Variants in MDGA2 observed in about 807,000 individuals in gnomAD.
The protein encoded by MDGA2 is MAM domain containing glycosylphosphatidylinositol anchor 2, also known as MAM domain-containing glycosylphosphatidylinositol anchor protein 2.
Under a neutral mutation model 117.8 loss-of-function variants are expected in MDGA2, and 40 were observed. The observed-to-expected ratio is 0.34, with a 90% CI of 0.26 to 0.44. The LOEUF is 0.44. Ranked by LOEUF, MDGA2 falls within the 20% of genes least tolerant of loss-of-function variation. The probability of loss-of-function intolerance (pLI) is 1.00; values close to 1 mark genes in which losing one functional copy is unlikely to be tolerated. For missense variants in MDGA2, 1,123 were observed against 1,250.6 expected, an observed-to-expected ratio of 0.90 and a Z score of 1.54; for synonymous variants, 452 against 439.0, an observed-to-expected ratio of 1.03 and a Z score of -0.37.
rs867635377 is a variant in MDGA2 at position 47,625,106 on chromosome 14, T to C, written c.280+49411A>G. Among the ~76,000 whole-genome samples the C allele has an allele frequency of 1.3e-4, 20 of 152,172 alleles. No homozygotes were observed. In the South Asian group the frequency reaches 3.9e-3, roughly 30 times the overall value. ...ATTAAACAGTTTGCCCTAGATTGTA[T>C]AGGTAGTAAGTGACAAATCTATGGT... On this transcript the variant is annotated intron_variant, in intron 1 of 16. Transcript: ENST00000399232.
intron 1 of MDGA2, among the ~76,000 whole-genome samples, chr14:47,387,135 T>C (rs1891778201): frequency 6.6e-6 from 1 of 152,180 alleles, no homozygotes; most frequent in Non-Finnish European, 1.5e-5. Flanking sequence ...AATACCTTAC[T>C]AGGAACTGGT....
chr14:47,626,869 G>A lies in MDGA2; in HGVS notation c.280+47648C>T, dbSNP rs185808686. 4.9e-4 allele frequency among the ~76,000 whole-genome samples: 75 copies of A among 152,334 alleles called. 3 individuals carry two copies. Among genetic ancestry groups the A allele is most frequent in the African/African-American group, 1.8e-3 (74 of 41,586 alleles). Reference sequence around the variant, plus strand: ...CCCCTGCTCCACAGCGCCCAGAACCGCCCAAGGGCTGCGGAGTGCAGGCGC... The same window carrying A: ...CCCCTGCTCCACAGCGCCCAGAACCACCCAAGGGCTGCGGAGTGCAGGCGC... On this transcript the variant is annotated intron_variant, in intron 1 of 16. Coordinates refer to ENST00000399232, the MANE Select transcript of MDGA2 (RefSeq NM_001113498.3).
intron 10 of MDGA2, 68 bp from the exon 11 acceptor site, chr14:46,882,289 A>G: frequency 7.3e-7 from 1 of 1,369,862 alleles, no homozygotes; most frequent in South Asian, 1.4e-5. Context: ...AAAATTGAAA[A>G]CAAATTTTGA....
chr14:46,900,684 G>A (rs1176867565), intron 10 of MDGA2, among the ~76,000 whole-genome samples: 1 of 152,182 alleles, frequency 6.6e-6, no homozygotes, highest in Non-Finnish European at 1.5e-5. Flanking sequence ...GAGGAAATTA[G>A]TGGTTTCCAG....
chr14:47,476,362 G>A (rs1477358874), intron 1 of MDGA2, among the ~76,000 whole-genome samples: 5 of 151,324 alleles, frequency 3.3e-5, no homozygotes, highest in Admixed American at 3.3e-4. Context: ...AAGTTTTAGA[G>A]ACACACGTAA....
chr14:47,345,066 T>C (rs1370236194), intron 1 of MDGA2, among the ~76,000 whole-genome samples: 1 of 152,172 alleles, frequency 6.6e-6, no homozygotes, highest in Non-Finnish European at 1.5e-5. Flanking sequence ...ACATTTTTTT[T>C]CTCACATTTC....
intron 9 of MDGA2, among the ~76,000 whole-genome samples, chr14:46,926,479 T>C (rs767871805): frequency 6.6e-6 from 1 of 151,268 alleles, no homozygotes; most frequent in Admixed American, 6.6e-5. Context: ...CTAATACATA[T>C]AGCCAAACGA....
At chr14:47,649,008 T>C (rs1402320746) in intron 1 of MDGA2, among the ~76,000 whole-genome samples, 1 of 152,198 alleles carries the variant, frequency 6.6e-6, no homozygotes, top group African/African-American at 2.4e-5. Context: ...TCTGACCTCA[T>C]GTCTAGTACC....
intron 1 of MDGA2, among the ~76,000 whole-genome samples, chr14:47,500,338 T>C (rs1214362969): frequency 1.3e-5 from 2 of 152,076 alleles, no homozygotes; most frequent in Non-Finnish European, 2.9e-5. Context: ...TAACCAGGGG[T>C]CTTCTCTATA....
At chr14:46,972,614 A>C (rs1222860585) in intron 8 of MDGA2, among the ~76,000 whole-genome samples, 1 of 152,170 alleles carries the variant, frequency 6.6e-6, no homozygotes, top group East Asian at 1.9e-4. Context: ...ATTCCAGATA[A>C]CAGGTTTAGA....
chr14:46,984,974 A>C (rs1255382981), intron 8 of MDGA2, among the ~76,000 whole-genome samples: 1 of 152,038 alleles, frequency 6.6e-6, no homozygotes, highest in African/African-American at 2.4e-5. Context: ...TGTTCTTTAA[A>C]TATCAGTACA....
At chr14:47,556,214 G>A (rs1338231076) in intron 1 of MDGA2, among the ~76,000 whole-genome samples, 1 of 152,100 alleles carries the variant, frequency 6.6e-6, no homozygotes, top group Non-Finnish European at 1.5e-5. Flanking sequence ...ACAGCTTATA[G>A]GACTCTGTTG....
intron 8 of MDGA2, among the ~76,000 whole-genome samples, chr14:47,010,914 T>A (rs1336530943): frequency 6.6e-6 from 1 of 152,084 alleles, no homozygotes; most frequent in Non-Finnish European, 1.5e-5. Context: ...CATGGACAGA[T>A]GGACATGAAT....
chr14:47,673,972 C>G (rs967927364), intron 1 of MDGA2, among the ~76,000 whole-genome samples: 5 of 151,930 alleles, frequency 3.3e-5, no homozygotes, highest in African/African-American at 1.2e-4. Context: ...TTTCCCCTCC[C>G]GAAGTCAGTG....
chr14:47,378,554 G>A (rs1891534125), intron 1 of MDGA2, among the ~76,000 whole-genome samples: 1 of 152,166 alleles, frequency 6.6e-6, no homozygotes, highest in Non-Finnish European at 1.5e-5. Context: ...CATGGCAGGA[G>A]AACTAAGTGA....
At chr14:47,521,249 G>C (rs1049439172) in intron 1 of MDGA2, among the ~76,000 whole-genome samples, 1 of 152,102 alleles carries the variant, frequency 6.6e-6, no homozygotes, top group African/African-American at 2.4e-5. Flanking sequence ...GGATGTGGGG[G>C]ATCAGTTTTT....
At chr14:46,987,934 G>C (rs1212700827) in intron 8 of MDGA2, among the ~76,000 whole-genome samples, 5 of 150,110 alleles carry the variant, frequency 3.3e-5, no homozygotes, top group Admixed American at 6.7e-5. Context: ...GGGTGGGGGG[G>C]GGTGCGCGCG....
intron 1 of MDGA2, among the ~76,000 whole-genome samples, chr14:47,484,011 G>T (rs1894006453): frequency 6.6e-6 from 1 of 152,060 alleles, no homozygotes; most frequent in African/African-American, 2.4e-5. Context: ...CATTTTCATA[G>T]TTTTAAAAAT....
At chr14:47,326,668 G>C (rs1023197279) in intron 1 of MDGA2, among the ~76,000 whole-genome samples, 1 of 145,786 alleles carries the variant, frequency 6.9e-6, no homozygotes, top group Non-Finnish European at 1.5e-5. Flanking sequence ...CCTCTACCCT[G>C]AAGCCAGTAA....
Sources: allele counts gnomAD v4.1 joint callset (sites outside exome capture counted in the v4.1 genomes callset), GRCh38; gene constraint gnomAD v4.1.1; transcripts MANE v1.5; gene names NCBI Gene and HGNC (gene_info 2026-07-23, HGNC 2026-07-21).